The following HYAL4 variants were observed in gnomAD, a reference collection of about 807,000 sequenced individuals.
HYAL4 encodes hyaluronidase-4.
In HYAL4, 37 loss-of-function variants were observed where a neutral mutation model predicts 35.2. The observed-to-expected ratio is 1.05, with a 90% confidence interval of 0.81 to 1.38. HYAL4 has a LOEUF of 1.38. HYAL4 is among the 40% of genes most tolerant of loss of function. The pLI is 0.00. For synonymous variants in HYAL4, 198 were observed against 203.2 expected (o/e 0.97, Z 0.22); for missense variants, 572 against 572.4 (o/e 1.00, Z 0.01).
At chr7:123,818,757 T>C in the HYAL4 span, among the ~76,000 whole-genome samples, 2 of 152,312 alleles carry the variant, frequency 1.3e-5, no homozygotes, top group South Asian at 2.1e-4. Flanking sequence ...ATTTTTTGTA[T>C]GATAGCTTTA....
chr7:123,808,014 A>T, the HYAL4 span, among the ~76,000 whole-genome samples: 661 of 150,916 alleles, frequency 4.4e-3, 10 homozygotes, highest in Non-Finnish European at 4.1e-3. Context: ...GGCTCAAACA[A>T]TACTCCCACC....
At chr7:123,851,848 T>C (rs980992369) in intron 2 of HYAL4, among the ~76,000 whole-genome samples, 2 of 152,186 alleles carry the variant, frequency 1.3e-5, no homozygotes, top group Non-Finnish European at 2.9e-5. Context: ...CTAATTTACA[T>C]TCCCACCAAC....
chr7:123,835,254 T>G (rs1805946839), intron 1 of HYAL4, among the ~76,000 whole-genome samples: 2 of 152,042 alleles, frequency 1.3e-5, no homozygotes, highest in East Asian at 1.9e-4. Context: ...TTTCAATCTC[T>G]CTGTTTGTTA....
chr7:123,781,515 A>G, the HYAL4 span, among the ~76,000 whole-genome samples: 1 of 148,074 alleles, frequency 6.8e-6, no homozygotes, highest in South Asian at 2.2e-4. Context: ...CTTTCTCTAT[A>G]CTTTGTCTCT....
At chr7:123,825,707 G>A (rs1336761343), upstream of HYAL4, among the ~76,000 whole-genome samples, 1 of 152,104 alleles carries the variant, frequency 6.6e-6, no homozygotes, top group Non-Finnish European at 1.5e-5. Flanking sequence ...TGGAGCTTGA[G>A]TTGAACCACT....
the HYAL4 span, among the ~76,000 whole-genome samples, chr7:123,810,045 T>G: frequency 6.6e-6 from 1 of 152,206 alleles, no homozygotes; most frequent in African/African-American, 2.4e-5. Flanking sequence ...AGTTAACTCT[T>G]TTTTCGTTCT....
intron 2 of HYAL4, among the ~76,000 whole-genome samples, chr7:123,865,926 C>T (rs890103268): frequency 1.3e-5 from 2 of 152,172 alleles, no homozygotes; most frequent in Non-Finnish European, 2.9e-5. Flanking sequence ...AGCAAAATCA[C>T]ATCTTACATG....
At chr7:123,857,669 G>GTTTCTTTGTTTC (rs1806478198) in intron 2 of HYAL4, among the ~76,000 whole-genome samples, 1 of 124,658 alleles carries the variant, frequency 8.0e-6, no homozygotes, top group East Asian at 2.3e-4. Context: ...TTCTTTGTTT[G>GTTTCTTTGTTTC]TTTCTTTCTT....
chr7:123,811,088 C>T, the HYAL4 span, among the ~76,000 whole-genome samples: 1 of 152,024 alleles, frequency 6.6e-6, no homozygotes, highest in African/African-American at 2.4e-5. Context: ...ATCTACTCAC[C>T]TACTGAAGGA....
At chr7:123,774,171 G>A in the HYAL4 span, among the ~76,000 whole-genome samples, 2 of 152,122 alleles carry the variant, frequency 1.3e-5, no homozygotes, top group African/African-American at 4.8e-5. Flanking sequence ...AATTAGCTGA[G>A]ACTATAGGTA....
At chr7:123,808,373 C>G in the HYAL4 span, among the ~76,000 whole-genome samples, 8 of 150,248 alleles carry the variant, frequency 5.3e-5, no homozygotes, top group Non-Finnish European at 5.9e-5. Flanking sequence ...GAAATGTGTA[C>G]ACACACACAC....
chr7:123,835,993 A>G lies in HYAL4; in HGVS notation c.-257+6869A>G, dbSNP rs146960654. On this transcript the variant is annotated intron_variant, in intron 1 of 4. Transcript: ENST00000489978. The stretch of plus-strand genomic sequence containing the variant: ...TTTATTGAGACTTGTTTCATGGCCT[A>G]TCATATGGTCTATATTGGAGAACAT... Among the ~76,000 whole-genome samples, 19 of 152,338 alleles carry G rather than the reference A, an allele frequency of 1.2e-4. No homozygotes were observed. The East Asian group carries it at 2.5e-3, about 20-fold the overall frequency.
Position 123,869,122 on chromosome 7 carries a change from T to C in HYAL4, c.849T>C (p.His283=), listed in dbSNP as rs776832275. Residue 283 remains histidine, a synonymous_variant, in exon 3 of 5, where the codon CAT becomes CAC. Coordinates refer to ENST00000223026, the MANE Select transcript of HYAL4 (RefSeq NM_012269.3). ...NILRFSKFRV[H]ESMRISTMTS... ...TGCGCTTCTCCAAATTTCGGGTGCATGAATCCATGAGGATCTCCACCATGA... is the reference window on the plus strand; with the variant it reads ...TGCGCTTCTCCAAATTTCGGGTGCACGAATCCATGAGGATCTCCACCATGA... The C allele has an allele frequency of 6.2e-7, 1 of 1,614,148 alleles. No individual in the cohort carries two copies. Among genetic ancestry groups the C allele is most frequent in the Non-Finnish European group, 8.5e-7 (1 of 1,180,014 alleles).
chr7:123,824,389 G>A (rs764805474), upstream of HYAL4, among the ~76,000 whole-genome samples: 2 of 152,120 alleles, frequency 1.3e-5, no homozygotes, highest in East Asian at 3.9e-4. Flanking sequence ...TCAAAGATGG[G>A]TTTAGAAGAT....
chr7:123,772,330 C>T, the HYAL4 span, among the ~76,000 whole-genome samples: 2 of 152,028 alleles, frequency 1.3e-5, no homozygotes, highest in African/African-American at 4.8e-5. Flanking sequence ...TGGATAGATT[C>T]CCTGGGCAAC....
At position 123,869,092 on chromosome 7, in the gene HYAL4, C is replaced by T; in HGVS notation, c.819C>T (p.Asn273=). 1 of 1,614,204 alleles carries T rather than the reference C, an allele frequency of 6.2e-7. No individual in the cohort carries two copies. The highest frequency in any genetic ancestry group is 2.2e-5 in the East Asian group (1 of 44,876). ...GVWKSLGDSE[N]ILRFSKFRVH... ...GGAAATCCCTTGGAGACAGTGAAAA[C>T]ATTTTGCGCTTCTCCAAATTTCGGG... Residue 273 remains asparagine, a synonymous_variant, in exon 3 of 5, where the codon AAC becomes AAT. Coordinates refer to ENST00000223026, the MANE Select transcript of HYAL4 (RefSeq NM_012269.3).
the HYAL4 span, among the ~76,000 whole-genome samples, chr7:123,801,850 C>T: frequency 5.0e-4 from 76 of 152,282 alleles, no homozygotes; most frequent in African/African-American, 1.3e-3. Context: ...AATTATCACA[C>T]GAGGGCAACA....
At chr7:123,845,094 C>T (rs141163621), upstream of HYAL4, 1,842 of 152,360 alleles carry the variant, frequency 0.012, 33 homozygotes, top group African/African-American at 0.042. Flanking sequence ...AGAAATCACC[C>T]GTCTTCTGCG....
rs1806445298 is a variant in HYAL4 at position 123,856,703 on chromosome 7, C to T, written c.-52+8545C>T. ...GGAGGCAGTCTGTCCCTTAGCAGAG[C>T]TTGATCACTGTGCTGGGAGATCCAC... is the stretch of plus-strand genomic sequence containing the variant. On this transcript the variant is annotated intron_variant, in intron 2 of 4. Transcript: ENST00000223026. Among the ~76,000 whole-genome samples, 3 of 152,298 alleles carry T rather than the reference C, an allele frequency of 2.0e-5. No individual in the cohort carries two copies. In the South Asian group the frequency reaches 6.2e-4, roughly 32 times the overall value.
Sources: gnomAD v4.1 joint callset for allele counts (sites outside exome capture counted in the v4.1 genomes callset) on GRCh38, gnomAD v4.1.1 for gene constraint, MANE v1.5 for transcripts, NCBI Gene and HGNC (gene_info 2026-07-23, HGNC 2026-07-21) for gene names.